PPP1R3A: variants seen among roughly 807,000 people sequenced by gnomAD.
The protein encoded by PPP1R3A is RG1.
In PPP1R3A, 29 loss-of-function variants were observed where a neutral mutation model predicts 41.7. That is an observed-to-expected ratio of 0.70 (90% CI 0.52 to 0.95). PPP1R3A has a LOEUF of 0.95. Among genes scored for constraint, PPP1R3A ranks in the 40% least tolerant of loss-of-function variants. The pLI, the probability that PPP1R3A is intolerant of heterozygous loss-of-function variation, is 0.00. For synonymous variants in PPP1R3A, 485 were observed against 453.4 expected, an observed-to-expected ratio of 1.07 and a Z score of -0.89; for missense variants, 1,352 against 1,292.4, an observed-to-expected ratio of 1.05 and a Z score of -0.71.
chr7:113,896,012 G>A (rs1796969672), intron 1 of PPP1R3A, among the ~76,000 whole-genome samples: 1 of 151,878 alleles, frequency 6.6e-6, no homozygotes, highest in South Asian at 2.1e-4. Flanking sequence ...ACCTGTTGAT[G>A]AGCGTATAAG....
chr7:113,918,233 C>T lies in PPP1R3A; in HGVS notation c.764G>A (p.Cys255Tyr), dbSNP rs1177799632. ...TCCTCACCTTGATTTTACCTTTAAG[C>T]AGCCTTTTATTTGTCTGTTAGGAAC... ...KEVPNRQIKGCLKVKSSKEES... is the reference protein window; with the variant it reads ...KEVPNRQIKGYLKVKSSKEES... The change falls in exon 1 of 4, where the codon TGC becomes TAC. Residue 255 changes from cysteine to tyrosine, a missense_variant. Cys to Tyr is a radical substitution (Grantham distance 194). Transcript: ENST00000284601. 1.9e-6 allele frequency: 3 copies of T among 1,600,858 alleles called. No individual in the cohort carries two copies. The highest frequency in any genetic ancestry group is 2.7e-5 in the African/African-American group (2 of 73,834).
chr7:113,878,907 T>C lies in PPP1R3A; in HGVS notation c.2185A>G (p.Thr729Ala), dbSNP rs148023297. The change falls in exon 4 of 4, where the codon ACA becomes GCA. Residue 729 changes from threonine to alanine, a missense_variant. Transcript: ENST00000284601. ...HGITEKAEAG[T>A]AYIIKTTSES... ...GATGTTGTCTTAATTATATAGGCTG[T>C]ACCAGCTTCTGCTTTCTCAGTAATG... The C allele has an allele frequency of 1.2e-6, 2 of 1,612,940 alleles. No homozygotes were observed. The highest frequency in any genetic ancestry group is 1.7e-6 in the Non-Finnish European group (2 of 1,179,784).
At chr7:113,891,706 G>A (rs1230194178) in intron 1 of PPP1R3A, among the ~76,000 whole-genome samples, 1 of 151,914 alleles carries the variant, frequency 6.6e-6, no homozygotes, top group Non-Finnish European at 1.5e-5. Context: ...TGGATATGTT[G>A]CACTTTTGCT....
chr7:113,901,575 C>A (rs6466472), intron 1 of PPP1R3A, among the ~76,000 whole-genome samples: 1 of 151,574 alleles, frequency 6.6e-6, no homozygotes, highest in Non-Finnish European at 1.5e-5. Context: ...GAGAAAATTA[C>A]GAAATAAAGA....
chr7:113,907,450 A>C (rs999227122), intron 1 of PPP1R3A, among the ~76,000 whole-genome samples: 2 of 151,598 alleles, frequency 1.3e-5, no homozygotes, highest in African/African-American at 4.8e-5. Flanking sequence ...TACCTTGAAA[A>C]GTCTGAGTTT....
chr7:113,888,683 C>T (rs972492986), intron 1 of PPP1R3A, among the ~76,000 whole-genome samples: 1 of 152,154 alleles, frequency 6.6e-6, no homozygotes, highest in Non-Finnish European at 1.5e-5. Flanking sequence ...GGGTTCCTCC[C>T]TAACCTCTGG....
In PPP1R3A at chr7:113,918,705, T is replaced by C; in HGVS notation, c.292A>G (p.Ile98Val). The change falls in exon 1 of 4, where the codon ATT becomes GTT. Residue 98 changes from isoleucine (I) to valine (V), a missense_variant. Coordinates refer to ENST00000284601, the MANE Select transcript of PPP1R3A (RefSeq NM_002711.4). ...ASTTFDLGTDIFHTEEYVLAP... is the reference protein window; with the variant it reads ...ASTTFDLGTDVFHTEEYVLAP... The stretch of plus-strand genomic sequence containing the variant: ...AAAACATATTCTTCTGTGTGGAAAA[T>C]GTCCGTCCCTAAGTCAAAAGTGGTT... 6.2e-7 allele frequency: 1 copy of C among 1,613,750 alleles called. No individual in the cohort carries two copies. Among genetic ancestry groups the C allele is most frequent in the African/African-American group, 1.3e-5 (1 of 74,970 alleles).
rs1204879734 is a variant in PPP1R3A at position 113,882,054 on chromosome 7, T to A, written c.951A>T (p.Lys317Asn). ...GAACACTTACCATCAACTCTAATTC[T>A]TTTTCATTATGTTCATCATGTTCCC... ...VNREHDEHNE[K>N]ELELMINQHL... The change falls in exon 3 of 4, where the codon AAA (lysine) becomes AAT (asparagine). Residue 317 changes from lysine (K) to asparagine (N), a missense_variant. By Grantham distance (94) the Lys-to-Asn change is moderately conservative. Coordinates refer to ENST00000284601, the MANE Select transcript of PPP1R3A (RefSeq NM_002711.4). 24 of 1,612,366 alleles carry A rather than the reference T, an allele frequency of 1.5e-5. No homozygotes were observed. Among genetic ancestry groups the A allele is most frequent in the Non-Finnish European group, 2.0e-5 (24 of 1,178,948 alleles).
chr7:113,889,600 G>A (rs751383542), intron 1 of PPP1R3A, among the ~76,000 whole-genome samples: 3 of 152,044 alleles, frequency 2.0e-5, no homozygotes, highest in South Asian at 2.1e-4. Context: ...TATAAGTTGC[G>A]GTAAATTTTC....
intron 1 of PPP1R3A, among the ~76,000 whole-genome samples, chr7:113,906,986 T>G (rs1797159114): frequency 6.6e-6 from 1 of 151,652 alleles, no homozygotes; most frequent in Non-Finnish European, 1.5e-5. Context: ...CTCGTTCCTG[T>G]GGAAGGTGGA....
chr7:113,905,749 C>T (rs1321353000), intron 1 of PPP1R3A, among the ~76,000 whole-genome samples: 1 of 151,776 alleles, frequency 6.6e-6, no homozygotes, highest in Non-Finnish European at 1.5e-5. Context: ...CAGTGGAATA[C>T]AACTAGTAGA....
At chr7:113,916,210 G>A (rs1448901712) in intron 1 of PPP1R3A, among the ~76,000 whole-genome samples, 1 of 150,452 alleles carries the variant, frequency 6.6e-6, no homozygotes, top group Non-Finnish European at 1.5e-5. Context: ...GAGGGAGAGA[G>A]ATTTTTTCCA....
At chr7:113,909,754 A>C (rs766115844) in intron 1 of PPP1R3A, among the ~76,000 whole-genome samples, 5 of 152,120 alleles carry the variant, frequency 3.3e-5, no homozygotes, top group Non-Finnish European at 7.4e-5. Flanking sequence ...GCTTGATTTT[A>C]ATGTATAAGG....
intron 1 of PPP1R3A, among the ~76,000 whole-genome samples, chr7:113,893,921 TC>T (rs1430612038): frequency 6.6e-6 from 1 of 151,988 alleles, no homozygotes; most frequent in African/African-American, 2.4e-5. Flanking sequence ...GCTAAATCTC[TC>T]TTCAAAAGTT....
chr7:113,916,189 T>C (rs1389733417), intron 1 of PPP1R3A, among the ~76,000 whole-genome samples: 2 of 152,032 alleles, frequency 1.3e-5, no homozygotes, highest in Admixed American at 1.3e-4. Context: ...AGAAAATGTA[T>C]TTGTGGTTTT....
chr7:113,908,276 T>C (rs1213356935), intron 1 of PPP1R3A, among the ~76,000 whole-genome samples: 1 of 151,936 alleles, frequency 6.6e-6, no homozygotes, highest in Non-Finnish European at 1.5e-5. Flanking sequence ...GTCTTCATTA[T>C]ATGGATTACA....
At chr7:113,915,920 G>A (rs1340888356) in intron 1 of PPP1R3A, among the ~76,000 whole-genome samples, 1 of 151,958 alleles carries the variant, frequency 6.6e-6, no homozygotes, top group African/African-American at 2.4e-5. Context: ...GCTCTCTTGT[G>A]TGAGTTTTAG....
intron 1 of PPP1R3A, among the ~76,000 whole-genome samples, chr7:113,895,540 C>T (rs1013039242): frequency 4.6e-5 from 7 of 151,846 alleles, no homozygotes; most frequent in South Asian, 2.1e-4. Flanking sequence ...AGTATTTACT[C>T]TATGTTTTTG....
At chr7:113,888,806 A>G (rs907126263) in intron 1 of PPP1R3A, among the ~76,000 whole-genome samples, 1 of 152,184 alleles carries the variant, frequency 6.6e-6, no homozygotes, top group African/African-American at 2.4e-5. Context: ...GGTCCATAAC[A>G]TTCTAAGGAG....
Sources: allele counts gnomAD v4.1 joint callset (sites outside exome capture counted in the v4.1 genomes callset), GRCh38; gene constraint gnomAD v4.1.1; transcripts MANE v1.5; gene names NCBI Gene and HGNC (gene_info 2026-07-23, HGNC 2026-07-21).